Variants in TAFA1 observed in about 807,000 individuals in gnomAD.
TAFA1 encodes the protein TAFA chemokine like family member 1, also known as chemokine-like protein TAFA-1.
In TAFA1, 4 loss-of-function variants were observed where a neutral mutation model predicts 18.5. The ratio of observed to expected loss-of-function variants is 0.22; its 90% CI spans 0.11 to 0.49. TAFA1 has a LOEUF of 0.49. TAFA1 is among the 20% of genes least tolerant of loss of function. The pLI, the probability that TAFA1 is intolerant of heterozygous loss-of-function variation, is 0.98. For missense variants in TAFA1, 147 were observed against 169.0 expected (o/e 0.87, Z 0.72); for synonymous variants, 56 against 55.2 (o/e 1.01, Z -0.06).
chr3:68,439,412 CATATATATATATAT>C lies in TAFA1; in HGVS notation c.259+22011_259+22024del, dbSNP rs57059146. Among the ~76,000 whole-genome samples the C allele has an allele frequency of 1.6e-3, 115 of 73,432 alleles. 3 individuals are homozygous for C. Among genetic ancestry groups the C allele is most frequent in the African/African-American group, 8.0e-3 (112 of 14,050 alleles). The allele number at this position is 73,432 out of a possible 152,430, so 48.2% of individuals were successfully genotyped here. On this transcript the variant is annotated intron_variant, in intron 3 of 4. Transcript: ENST00000478136. ...AGAAGTAATAGAATATATATACATACATATATATATATATATATATATATATATATATGAGTTTA... is the reference window on the plus strand; with the variant it reads ...AGAAGTAATAGAATATATATACATACATATATATATATATATATGAGTTTA...
At chr3:68,081,679 T>C (rs1157962570) in intron 2 of TAFA1, among the ~76,000 whole-genome samples, 3 of 152,124 alleles carry the variant, frequency 2.0e-5, no homozygotes, top group Admixed American at 6.5e-5. Flanking sequence ...TTCTCAGATC[T>C]CCAGCTGCGT....
chr3:68,189,904 G>T (rs1016224999), intron 2 of TAFA1, among the ~76,000 whole-genome samples: 2 of 151,802 alleles, frequency 1.3e-5, no homozygotes, highest in Non-Finnish European at 2.9e-5. Flanking sequence ...ATCAACATGG[G>T]GGAATTTCTC....
intron 2 of TAFA1, among the ~76,000 whole-genome samples, chr3:68,071,803 T>C (rs997266569): frequency 3.4e-4 from 51 of 152,228 alleles, no homozygotes; most frequent in African/African-American, 1.1e-3. Context: ...GTTTTATTAA[T>C]GGCAGAAGGC....
chr3:68,235,390 T>C (rs1443153107), intron 2 of TAFA1, among the ~76,000 whole-genome samples: 1 of 152,196 alleles, frequency 6.6e-6, no homozygotes, highest in African/African-American at 2.4e-5. Flanking sequence ...AGTTATAAAA[T>C]TCTGGGCGTG....
chr3:68,163,447 G>A (rs867549022), intron 2 of TAFA1, among the ~76,000 whole-genome samples: 2 of 152,198 alleles, frequency 1.3e-5, no homozygotes, highest in South Asian at 4.1e-4. Flanking sequence ...CACTTTGAAT[G>A]TGTTAGTTAT....
At chr3:68,254,489 A>G (rs2067260282) in intron 2 of TAFA1, among the ~76,000 whole-genome samples, 1 of 152,038 alleles carries the variant, frequency 6.6e-6, no homozygotes, top group African/African-American at 2.4e-5. Context: ...CATTTGCATT[A>G]ATCTCTGAAA....
intron 2 of TAFA1, among the ~76,000 whole-genome samples, chr3:68,255,482 T>A (rs1255828063): frequency 6.6e-6 from 1 of 152,044 alleles, no homozygotes; most frequent in Non-Finnish European, 1.5e-5. Flanking sequence ...CAATCAGTAA[T>A]CACCACTATT....
At chr3:68,430,127 A>G (rs1316389360) in intron 3 of TAFA1, among the ~76,000 whole-genome samples, 1 of 151,942 alleles carries the variant, frequency 6.6e-6, no homozygotes, top group East Asian at 1.9e-4. Flanking sequence ...CAAGTAAACC[A>G]CACATTCAGA....
chr3:68,022,260 A>T (rs1336058032), intron 2 of TAFA1, among the ~76,000 whole-genome samples: 1 of 152,188 alleles, frequency 6.6e-6, no homozygotes, highest in Admixed American at 6.5e-5. Flanking sequence ...GGTATTATTC[A>T]TCAACAGGAA....
chr3:68,035,620 G>C, intron 2 of TAFA1, among the ~76,000 whole-genome samples: 1 of 152,130 alleles, frequency 6.6e-6, no homozygotes, highest in East Asian at 1.9e-4. Context: ...TCAGAAAACT[G>C]GAAGTTTCTT....
At chr3:68,332,077 A>G (rs1373512662) in intron 2 of TAFA1, among the ~76,000 whole-genome samples, 3 of 151,542 alleles carry the variant, frequency 2.0e-5, no homozygotes, top group Non-Finnish European at 4.4e-5. Context: ...GTTAACCCGG[A>G]TGGTCTCGAT....
chr3:68,026,886 G>C (rs1324478373), intron 2 of TAFA1, among the ~76,000 whole-genome samples: 1 of 152,124 alleles, frequency 6.6e-6, no homozygotes, highest in East Asian at 1.9e-4. Flanking sequence ...AATTGGTTCA[G>C]GGTTCTGCAG....
intron 3 of TAFA1, among the ~76,000 whole-genome samples, chr3:68,524,975 C>G (rs748952228): frequency 2.6e-5 from 4 of 152,148 alleles, no homozygotes; most frequent in Admixed American, 6.5e-5. Flanking sequence ...CCGGCCGTTT[C>G]TAGGTTTTAT....
chr3:68,368,184 C>A (rs2069608518), intron 2 of TAFA1, among the ~76,000 whole-genome samples: 1 of 152,150 alleles, frequency 6.6e-6, no homozygotes. Context: ...TAACAGACAA[C>A]TTGTGTAATC....
chr3:68,052,592 C>G (rs2064484429), intron 2 of TAFA1, among the ~76,000 whole-genome samples: 1 of 152,166 alleles, frequency 6.6e-6, no homozygotes, highest in Admixed American at 6.6e-5. Flanking sequence ...TATACTGAAG[C>G]TAGGTATGTC....
chr3:68,465,455 T>A (rs2071870616), intron 3 of TAFA1, among the ~76,000 whole-genome samples: 1 of 152,236 alleles, frequency 6.6e-6, no homozygotes, highest in Admixed American at 6.5e-5. Flanking sequence ...GCATTCTAAT[T>A]AATATATCTG....
At chr3:68,269,662 C>T (rs1445895810) in intron 2 of TAFA1, among the ~76,000 whole-genome samples, 1 of 152,042 alleles carries the variant, frequency 6.6e-6, no homozygotes, top group Non-Finnish European at 1.5e-5. Context: ...TGGCTCATGC[C>T]TATAATCCCA....
chr3:68,434,289 G>A (rs181046434), intron 3 of TAFA1, among the ~76,000 whole-genome samples: 5 of 152,196 alleles, frequency 3.3e-5, no homozygotes, highest in East Asian at 1.9e-4. Context: ...GGACTGTTCC[G>A]AGGAAGGCTC....
intron 3 of TAFA1, 77 bp downstream of exon 3, chr3:68,417,497 T>G: frequency 7.2e-7 from 1 of 1,387,030 alleles, no homozygotes; most frequent in Non-Finnish European, 9.9e-7. Context: ...TTTTATCTAA[T>G]ATGGTTCCAG....
Sources: gnomAD v4.1 joint callset for allele counts (sites outside exome capture counted in the v4.1 genomes callset) on GRCh38, gnomAD v4.1.1 for gene constraint, MANE v1.5 for transcripts, NCBI Gene and HGNC (gene_info 2026-07-23, HGNC 2026-07-21) for gene names.